LARP4B: variants seen among roughly 807,000 people sequenced by gnomAD.
LARP4B encodes La ribonucleoprotein 4B.
LARP4B carries 12 observed loss-of-function variants against 89.8 expected under a neutral mutation model. The ratio of observed to expected loss-of-function variants is 0.13; its 90% CI spans 0.09 to 0.22. The LOEUF is 0.22. Among genes scored for constraint, LARP4B ranks in the 10% least tolerant of loss-of-function variants. The probability of loss-of-function intolerance (pLI) is 1.00; values close to 1 mark genes in which losing one functional copy is unlikely to be tolerated. For synonymous variants in LARP4B, 367 were observed against 363.3 expected (o/e 1.01, Z -0.12); for missense variants, 757 against 947.7 (o/e 0.80, Z 2.64).
At chr10:815,866 C>T (rs1400797691) in intron 15 of LARP4B, among the ~76,000 whole-genome samples, 2 of 152,210 alleles carry the variant, frequency 1.3e-5, no homozygotes, top group Admixed American at 6.5e-5. Flanking sequence ...TTCCTGCGCT[C>T]GACCAGCAGG....
At chr10:876,896 C>G (rs1835476600) in intron 3 of LARP4B, among the ~76,000 whole-genome samples, 1 of 152,188 alleles carries the variant, frequency 6.6e-6, no homozygotes. Context: ...TGCCCCACAG[C>G]TCTAGCATTC....
chr10:905,087 T>C (rs1836452605), intron 1 of LARP4B, among the ~76,000 whole-genome samples: 1 of 152,224 alleles, frequency 6.6e-6, no homozygotes, highest in Non-Finnish European at 1.5e-5. Context: ...TCATTATGTA[T>C]ATGCAAATAT....
At chr10:961,478 G>A in the LARP4B span, among the ~76,000 whole-genome samples, 21 of 149,542 alleles carry the variant, frequency 1.4e-4, no homozygotes, top group Middle Eastern at 3.4e-3. Context: ...GGGAGGCCTC[G>A]GGAAGGTCCA....
the LARP4B span, among the ~76,000 whole-genome samples, chr10:976,903 G>C: frequency 1.3e-5 from 2 of 151,724 alleles, no homozygotes; most frequent in Non-Finnish European, 2.9e-5. Context: ...CAACCTAGTA[G>C]AAGGTAGGCC....
chr10:877,374 C>T (rs1434231737), intron 3 of LARP4B, among the ~76,000 whole-genome samples: 3 of 28,888 alleles, frequency 1.0e-4, no homozygotes, highest in Non-Finnish European at 2.3e-4. Context: ...GAGCAAGACC[C>T]TGTCTCTAAA....
chr10:877,689 G>C (rs1015681064), intron 3 of LARP4B, among the ~76,000 whole-genome samples: 1 of 152,156 alleles, frequency 6.6e-6, no homozygotes, highest in African/African-American at 2.4e-5. Context: ...TGAGTAAACG[G>C]AAGTGTTAGG....
intron 3 of LARP4B, among the ~76,000 whole-genome samples, chr10:867,886 A>G (rs79665335): frequency 1.7e-4 from 25 of 148,808 alleles, no homozygotes; most frequent in Middle Eastern, 6.9e-3. Context: ...AAAAAAAAAA[A>G]CTCCAGTGTC....
intron 8 of LARP4B, among the ~76,000 whole-genome samples, chr10:833,545 C>T (rs1833039806): frequency 6.6e-6 from 1 of 152,174 alleles, no homozygotes; most frequent in Admixed American, 6.5e-5. Flanking sequence ...AATTTAATCA[C>T]ATCATTACAT....
the LARP4B span, among the ~76,000 whole-genome samples, chr10:976,811 C>G: frequency 6.7e-6 from 1 of 150,058 alleles, no homozygotes; most frequent in Non-Finnish European, 1.5e-5. Flanking sequence ...TGTGTGGACC[C>G]GGCCTAGTAG....
intron 1 of LARP4B, among the ~76,000 whole-genome samples, chr10:918,924 C>CA (rs1187718698): frequency 3.3e-5 from 5 of 151,168 alleles, no homozygotes; most frequent in South Asian, 2.1e-4. Context: ...AAAAAAAATA[C>CA]AAAAAAATTA....
chr10:891,587 C>T (rs954393246), intron 1 of LARP4B, among the ~76,000 whole-genome samples: 2 of 152,108 alleles, frequency 1.3e-5, no homozygotes, highest in African/African-American at 4.8e-5. Flanking sequence ...GTTATTCTTC[C>T]ACCTGAGAGA....
intron 5 of LARP4B, among the ~76,000 whole-genome samples, chr10:859,887 G>C (rs2131822244): frequency 6.6e-6 from 1 of 151,980 alleles, no homozygotes; most frequent in East Asian, 1.9e-4. Context: ...GGAGGGGTGA[G>C]TAGGCAGAAC....
intron 1 of LARP4B, among the ~76,000 whole-genome samples, chr10:922,447 C>A (rs1219506760): frequency 6.6e-6 from 1 of 152,162 alleles, no homozygotes. Context: ...GGCACAGGGG[C>A]TCACACTCAT....
chr10:895,308 G>A lies in LARP4B; in HGVS notation c.-39-9548C>T, dbSNP rs562634447. On this transcript the variant is annotated intron_variant, in intron 1 of 17. Transcript: ENST00000316157. ...TCAGTACACACTTAAGACTTCATAT[G>A]CTTATTTCTATTTAAAATTTGTATT... is the stretch of plus-strand genomic sequence containing the variant. Among the ~76,000 whole-genome samples, 19 of 152,006 alleles carry A rather than the reference G, an allele frequency of 1.2e-4. 1 individual carries two copies. In the South Asian group the frequency reaches 3.9e-3, roughly 32 times the overall value.
intron 8 of LARP4B, among the ~76,000 whole-genome samples, chr10:834,417 G>A (rs771226026): frequency 3.9e-5 from 6 of 152,126 alleles, no homozygotes; most frequent in African/African-American, 1.4e-4. Flanking sequence ...AAGAAAATCA[G>A]AATCAGTATT....
At chr10:938,273 C>T in the LARP4B span, among the ~76,000 whole-genome samples, 8 of 141,304 alleles carry the variant, frequency 5.7e-5, no homozygotes, top group African/African-American at 1.6e-4. Context: ...TTTTTGGAGA[C>T]GGAGTCTCGC....
At chr10:912,723 A>G (rs1836703963) in intron 1 of LARP4B, among the ~76,000 whole-genome samples, 1 of 151,630 alleles carries the variant, frequency 6.6e-6, no homozygotes, top group Non-Finnish European at 1.5e-5. Context: ...AAAAAAAAAA[A>G]AAATTCAAAA....
At chr10:831,238 A>C (rs1832887040) in intron 8 of LARP4B, among the ~76,000 whole-genome samples, 1 of 152,100 alleles carries the variant, frequency 6.6e-6, no homozygotes, top group Admixed American at 6.5e-5. Context: ...ATTAATGTGA[A>C]AACTATCATA....
rs537574323 is a variant in LARP4B, at chr10:870,715, T to C, written c.142-6445A>G. On this transcript the variant is annotated intron_variant, in intron 3 of 17. Coordinates refer to ENST00000316157, the MANE Select transcript of LARP4B (RefSeq NM_015155.3). ...TCTCCAAATAAAGTCTCTCTTCCTC[T>C]TCTTTACATGTTAGTTTTGGTTTAC... Among the ~76,000 whole-genome samples the C allele has an allele frequency of 7.9e-5, 12 of 152,356 alleles. No individual in the cohort carries two copies. The South Asian group carries it at 2.5e-3, about 32-fold the overall frequency.
Sources: allele counts gnomAD v4.1 joint callset (sites outside exome capture counted in the v4.1 genomes callset), GRCh38; gene constraint gnomAD v4.1.1; transcripts MANE v1.5; gene names NCBI Gene and HGNC (gene_info 2026-07-23, HGNC 2026-07-21).